Variants in TXNDC5 observed in about 807,000 individuals in gnomAD.
TXNDC5 encodes thioredoxin domain-containing protein 5.
TXNDC5 carries 44 observed loss-of-function variants against 52.6 expected under a neutral mutation model. The observed-to-expected ratio is 0.84, with a 90% CI of 0.66 to 1.08. The LOEUF is 1.08. Ranked by LOEUF, TXNDC5 falls within the 50% of genes least tolerant of loss-of-function variation. TXNDC5 has a pLI of 0.00. For synonymous variants in TXNDC5, 241 were observed against 234.4 expected, an observed-to-expected ratio of 1.03 and a Z score of -0.26; for missense variants, 600 against 565.5, an observed-to-expected ratio of 1.06 and a Z score of -0.62.
rs77734259 is a variant in TXNDC5, at chr6:7,909,523, C to T, written c.263+991G>A. Among the ~76,000 whole-genome samples the T allele has an allele frequency of 2.6e-3, 397 of 152,288 alleles. 1 individual carries two copies. The highest frequency in any genetic ancestry group is 8.5e-3 in the African/African-American group (352 of 41,564). ...AGCAGCGAGGCCCACACCAAAGCCT[C>T]GCCCAGAGAACCAAAGCAAGAGGGA... On this transcript the variant is annotated intron_variant, in intron 1 of 9. Transcript: ENST00000379757.
chr6:7,904,740 G>A lies in TXNDC5; in HGVS notation c.264-17C>T, dbSNP rs759738745. Reference sequence around the variant, plus strand: ...TGTCCACACCTGGAACAAGGCAAGAGTACAAGCACATTGAGTATCAGGTCA... The same window carrying A: ...TGTCCACACCTGGAACAAGGCAAGAATACAAGCACATTGAGTATCAGGTCA... On this transcript the variant is annotated splice_polypyrimidine_tract_variant and intron_variant, in intron 1 of 9. Coordinates refer to ENST00000379757, the MANE Select transcript of TXNDC5 (RefSeq NM_030810.5). 6 of 1,614,186 alleles carry A rather than the reference G, an allele frequency of 3.7e-6. No homozygotes were observed. The highest frequency in any genetic ancestry group is 2.2e-5 in the East Asian group (1 of 44,878).
chr6:7,882,796 C>G lies in TXNDC5; in HGVS notation c.*348G>C, dbSNP rs557351718. ...TGTGCTTTCTTTCACCAAAATCACT[C>G]AACTCAGGAGCCACAAATAGTCCAG... On this transcript the variant is annotated 3_prime_UTR_variant, in exon 10 of 10. Transcript: ENST00000379757. 8.9e-5 allele frequency: 18 copies of G among 202,982 alleles called. No homozygotes were observed. Among genetic ancestry groups the G allele is most frequent in the African/African-American group, 3.5e-4 (15 of 43,214 alleles). The allele number at this position is 202,982 out of a possible 1,614,324, so 12.6% of individuals were successfully genotyped here.
intron 9 of TXNDC5, 72 bp downstream of exon 9, chr6:7,884,287 G>A (rs1581304706): frequency 1.3e-6 from 2 of 1,587,500 alleles, no homozygotes; most frequent in East Asian, 4.5e-5. Context: ...GAGTTATCGT[G>A]GTTGAGGCAC....
At chr6:7,903,320 A>C (rs1292306491) in intron 2 of TXNDC5, among the ~76,000 whole-genome samples, 1 of 152,262 alleles carries the variant, frequency 6.6e-6, no homozygotes, top group Non-Finnish European at 1.5e-5. Flanking sequence ...TCTGATTTAA[A>C]GTAAACCCAA....
intron 2 of TXNDC5, among the ~76,000 whole-genome samples, chr6:7,904,012 C>T (rs1032054588): frequency 2.0e-5 from 3 of 152,344 alleles, no homozygotes; most frequent in Non-Finnish European, 2.9e-5. Context: ...CTGGAGCTGG[C>T]TCTCAGAGGT....
At position 7,896,199 on chromosome 6, in the gene TXNDC5, C is replaced by T. The variant is rs527363470; in HGVS notation, c.520-997G>A. 8.9e-4 allele frequency among the ~76,000 whole-genome samples: 135 copies of T among 152,220 alleles called. 1 individual carries two copies. The highest frequency in any genetic ancestry group is 3.1e-3 in the African/African-American group (127 of 41,524). On this transcript the variant is annotated intron_variant, in intron 3 of 9. Transcript: ENST00000379757. ...GAATGAAAGGCAACAGAGAGAAAACCATGGCATGAACATAAGCTGCACCTT... is the reference window on the plus strand; with the variant it reads ...GAATGAAAGGCAACAGAGAGAAAACTATGGCATGAACATAAGCTGCACCTT...
At position 7,888,800 on chromosome 6, in the gene TXNDC5, C is replaced by T. The variant is rs45441296; in HGVS notation, c.868G>A (p.Val290Met). The stretch of plus-strand genomic sequence containing the variant: ...TCTGTGCGCTGCAGCTGCGACTCCA[C>T]GTACTCCCTCAGTGACTCCAAATCC... Reference protein sequence around the residue: ...KRDLESLREYVESQLQRTETG... With the variant: ...KRDLESLREYMESQLQRTETG... The change falls in exon 7 of 10, where the codon GTG becomes ATG. Residue 290 changes from valine to methionine, a missense_variant. By Grantham distance (21) the Val-to-Met change is conservative. Coordinates refer to ENST00000379757, the MANE Select transcript of TXNDC5 (RefSeq NM_030810.5). The T allele has an allele frequency of 1.7e-4, 280 of 1,614,120 alleles. No homozygotes were observed. The highest frequency in any genetic ancestry group is 2.2e-4 in the Admixed American group (13 of 60,020).
intron 1 of TXNDC5, 132 bp from the exon 2 acceptor site, chr6:7,904,855 G>T: frequency 1.0e-6 from 1 of 1,001,782 alleles, no homozygotes; most frequent in Non-Finnish European, 1.5e-6. Context: ...GCAGCTCCTG[G>T]ACCAGTACTC....
chr6:7,908,714 G>A (rs1561817268), intron 1 of TXNDC5, among the ~76,000 whole-genome samples: 1 of 152,112 alleles, frequency 6.6e-6, no homozygotes, highest in African/African-American at 2.4e-5. Flanking sequence ...ACCTGCGCCT[G>A]TAGTCACAGC....
chr6:7,901,299 A>G (rs572853390), intron 2 of TXNDC5, among the ~76,000 whole-genome samples: 5 of 152,266 alleles, frequency 3.3e-5, no homozygotes, highest in South Asian at 2.1e-4. Flanking sequence ...CCGCACCTGG[A>G]AACAGAAACT....
Position 7,882,080 on chromosome 6 carries a change from G to C in TXNDC5, c.*1064C>G, listed in dbSNP as rs1378590813. The C allele has an allele frequency of 1.3e-5, 2 of 152,628 alleles. No homozygotes were observed. The highest frequency in any genetic ancestry group is 4.8e-5 in the African/African-American group (2 of 41,414). The allele number at this position is 152,628 out of a possible 1,614,324, so 9.5% of individuals were successfully genotyped here. A position where few individuals can be genotyped will look rare whatever the true frequency, so the allele number is the denominator to read the frequency against. On this transcript the variant is annotated 3_prime_UTR_variant, in exon 10 of 10. Coordinates refer to ENST00000379757, the MANE Select transcript of TXNDC5 (RefSeq NM_030810.5). ...CCCACTGACATCTGTCTTTGGTCTT[G>C]AGATCAAATGCATCCCATTCTTCAT...
chr6:7,890,004 G>A (rs1230497438), intron 5 of TXNDC5, among the ~76,000 whole-genome samples: 4 of 152,174 alleles, frequency 2.6e-5, no homozygotes, highest in African/African-American at 9.7e-5. Flanking sequence ...TCATGCTGAA[G>A]CTTAGAGGGT....
At chr6:7,892,307 G>A (rs1489086924) in intron 4 of TXNDC5, among the ~76,000 whole-genome samples, 1 of 152,176 alleles carries the variant, frequency 6.6e-6, no homozygotes, top group Non-Finnish European at 1.5e-5. Flanking sequence ...GAGAAATCAG[G>A]GAAACATGTA....
At chr6:7,886,972 G>A (rs201177804) in intron 7 of TXNDC5, among the ~76,000 whole-genome samples, 25 of 152,162 alleles carry the variant, frequency 1.6e-4, no homozygotes, top group Non-Finnish European at 2.9e-4. Context: ...ATGGTGCTGC[G>A]ATGAAAACAT....
At chr6:7,892,385 T>C (rs1433108783) in intron 4 of TXNDC5, among the ~76,000 whole-genome samples, 2 of 152,360 alleles carry the variant, frequency 1.3e-5, no homozygotes, top group Admixed American at 6.5e-5. Context: ...AAACCACCTA[T>C]GTCTTCAGCA....
intron 2 of TXNDC5, 154 bp from the exon 3 acceptor site, chr6:7,899,835 G>A (rs758381804): frequency 3.2e-5 from 17 of 539,130 alleles, no homozygotes; most frequent in East Asian, 9.5e-5. Context: ...CAAACATAAC[G>A]TTCCAGGAGA....
In TXNDC5 at chr6:7,901,997, T is replaced by A. The variant is rs181025697; in HGVS notation, c.414-2316A>T. Among the ~76,000 whole-genome samples the A allele has an allele frequency of 1.9e-3, 294 of 152,166 alleles. 1 individual carries two copies. Among genetic ancestry groups the A allele is most frequent in the Non-Finnish European group, 3.0e-3 (205 of 67,984 alleles). On this transcript the variant is annotated intron_variant, in intron 2 of 9. Coordinates refer to ENST00000379757, the MANE Select transcript of TXNDC5 (RefSeq NM_030810.5). The stretch of plus-strand genomic sequence containing the variant: ...ATGGGCCCCAATCTAGCATGACTGG[T>A]GTCCTTGTAAGAAGGGTTTGGACAC...
rs1379307039 is a variant in TXNDC5 at position 7,885,830 on chromosome 6, C to CTACAACATGACCTACATATAAATG, written c.1046+107_1046+130dup. The CTACAACATGACCTACATATAAATG allele has an allele frequency of 3.9e-5, 29 of 736,962 alleles. 1 individual carries two copies. The highest frequency in any genetic ancestry group is 3.6e-4 in the African/African-American group (20 of 55,808). The allele number at this position is 736,962 out of a possible 1,614,324, so 45.7% of individuals were successfully genotyped here. A position where few individuals can be genotyped will look rare whatever the true frequency, so the allele number is the denominator to read the frequency against. ...GAGCATGATAACGGTTCCTTATTTC[C>CTACAACATGACCTACATATAAATG]TACAACATGACCTACATATAAATGT... On this transcript the variant is annotated intron_variant, in intron 8 of 9. Transcript: ENST00000379757.
intron 2 of TXNDC5, among the ~76,000 whole-genome samples, chr6:7,901,096 A>C (rs1450363693): frequency 6.6e-6 from 1 of 152,208 alleles, no homozygotes; most frequent in Non-Finnish European, 1.5e-5. Flanking sequence ...TCTCCAGTGC[A>C]GAATATACAC....
Sources: gnomAD v4.1 joint callset for allele counts (sites outside exome capture counted in the v4.1 genomes callset) on GRCh38, gnomAD v4.1.1 for gene constraint, MANE v1.5 for transcripts, NCBI Gene and HGNC (gene_info 2026-07-23, HGNC 2026-07-21) for gene names.